GTF2I: variants seen among roughly 807,000 people sequenced by gnomAD.
The protein encoded by GTF2I is general transcription factor II-I.
A neutral mutation model predicts 67.6 loss-of-function variants in GTF2I; 12 were observed. The observed-to-expected ratio is 0.18, with a 90% CI of 0.11 to 0.29. The LOEUF is 0.29. GTF2I is among the 10% of genes least tolerant of loss of function. The probability of loss-of-function intolerance (pLI) is 1.00; values close to 1 mark genes in which losing one functional copy is unlikely to be tolerated. For missense variants in GTF2I, 271 were observed against 580.1 expected (o/e 0.47, Z 5.47); for synonymous variants, 149 against 197.0 (o/e 0.76, Z 2.04).
At chr7:74,662,511 C>T (rs1185534868) in intron 1 of GTF2I, among the ~76,000 whole-genome samples, 11 of 50,218 alleles carry the variant, frequency 2.2e-4, no homozygotes, top group Non-Finnish European at 2.7e-4. Flanking sequence ...CACCTGGACC[C>T]TTTTTTTTTT....
rs587653629 is a variant in GTF2I at position 74,706,376 on chromosome 7, T to C, written c.642-14T>C. 2.5e-6 allele frequency: 4 copies of C among 1,612,824 alleles called. No homozygotes were observed. In the African/African-American group the frequency reaches 4.0e-5, roughly 16 times the overall value. On this transcript the variant is annotated splice_polypyrimidine_tract_variant and intron_variant, in intron 7 of 34. Coordinates refer to ENST00000573035, the MANE Select transcript of GTF2I (RefSeq NM_032999.4). ...CCAGCACGTGGCTTGATCAGGGCTT[T>C]CTTCTCCTTGCAGTTGTGGCCCCAT...
intron 1 of GTF2I, among the ~76,000 whole-genome samples, chr7:74,677,100 A>G (rs1308236282): frequency 6.6e-6 from 1 of 152,022 alleles, no homozygotes; most frequent in East Asian, 1.9e-4. Context: ...AAAAAACCCC[A>G]ACAGTTTCAG....
intron 1 of GTF2I, among the ~76,000 whole-genome samples, chr7:74,688,642 G>A (rs1430771813): frequency 2.0e-5 from 3 of 152,070 alleles, no homozygotes; most frequent in Non-Finnish European, 4.4e-5. Context: ...GTATTATAAA[G>A]AATCTTACAT....
At chr7:74,726,418 G>C (rs1793788467) in intron 12 of GTF2I, 1 of 152,092 alleles carries the variant, frequency 6.6e-6, no homozygotes. Flanking sequence ...ACACACTTCT[G>C]TTTTCCAGAT....
intron 1 of GTF2I, among the ~76,000 whole-genome samples, chr7:74,675,204 C>T (rs1805789733): frequency 6.6e-6 from 1 of 152,148 alleles, no homozygotes; most frequent in African/African-American, 2.4e-5. Context: ...TTCATTCATG[C>T]CCTTGACCTT....
intron 7 of GTF2I, among the ~76,000 whole-genome samples, chr7:74,705,832 G>C (rs1790589742): frequency 6.6e-6 from 1 of 151,900 alleles, no homozygotes; most frequent in South Asian, 2.1e-4. Context: ...CCAAAGTACT[G>C]GGATTACAGG....
chr7:74,699,152 A>G (rs1584182689), intron 4 of GTF2I, 57 bp downstream of exon 4: 1 of 971,070 alleles, frequency 1.0e-6, no homozygotes, highest in Non-Finnish European at 1.4e-6. Flanking sequence ...GAATTTTCTA[A>G]AGGGAAGCTT....
chr7:74,668,349 G>A (rs1269015872), intron 1 of GTF2I, among the ~76,000 whole-genome samples: 15 of 150,804 alleles, frequency 9.9e-5, no homozygotes, highest in African/African-American at 3.7e-4. Context: ...GTGTGTGTGT[G>A]TGTGTGTATG....
At position 74,664,496 on chromosome 7, in the gene GTF2I, C is replaced by T. The variant is rs587748618; in HGVS notation, c.-6+6428C>T. ...TCGCACAGGCTAAAGTGCAATGGCGCGATCTCGGCTCACTGCAACTCTCGC... is the reference window on the plus strand; with the variant it reads ...TCGCACAGGCTAAAGTGCAATGGCGTGATCTCGGCTCACTGCAACTCTCGC... On this transcript the variant is annotated intron_variant, in intron 1 of 34. Coordinates refer to ENST00000573035, the MANE Select transcript of GTF2I (RefSeq NM_032999.4). Among the ~76,000 whole-genome samples the T allele has an allele frequency of 3.3e-5, 5 of 152,038 alleles. No individual in the cohort carries two copies. The South Asian group carries it at 6.2e-4, about 19-fold the overall frequency.
chr7:74,690,865 G>A (rs1395838023), intron 2 of GTF2I, 108 bp from the exon 3 acceptor site: 14 of 1,050,304 alleles, frequency 1.3e-5, no homozygotes, highest in East Asian at 7.6e-5. Flanking sequence ...AAACTATCTT[G>A]AAAGAGAAGT....
chr7:74,723,517 G>A (rs1292028605), intron 12 of GTF2I, among the ~76,000 whole-genome samples: 9 of 140,132 alleles, frequency 6.4e-5, no homozygotes, highest in Non-Finnish European at 1.1e-4. Context: ...CGCAGCCTCC[G>A]CCTCCTGGGT....
chr7:74,687,013 C>T (rs1787798716), intron 1 of GTF2I, among the ~76,000 whole-genome samples: 1 of 151,830 alleles, frequency 6.6e-6, no homozygotes, highest in African/African-American at 2.4e-5. Flanking sequence ...CCTCAGCCTC[C>T]TGAGTGACTG....
chr7:74,697,945 TTTTTG>T (rs1271578536), intron 3 of GTF2I, among the ~76,000 whole-genome samples: 21 of 76,154 alleles, frequency 2.8e-4, no homozygotes, highest in African/African-American at 7.4e-4. Context: ...ATTTTTGTAT[TTTTTG>T]TTTGTTTGTT....
rs587625209 is a variant in GTF2I at position 74,703,154 on chromosome 7, T to C, written c.587-2010T>C. ...AGTCTTGTTTTTTATATAGTCTTGA[T>C]ATAAGTCTCTAATTGATGATTTGTT... On this transcript the variant is annotated intron_variant, in intron 6 of 34. Coordinates refer to ENST00000573035, the MANE Select transcript of GTF2I (RefSeq NM_032999.4). Among the ~76,000 whole-genome samples, 3 of 152,262 alleles carry C rather than the reference T, an allele frequency of 2.0e-5. No homozygotes were observed. In the South Asian group the frequency reaches 6.2e-4, roughly 32 times the overall value.
intron 8 of GTF2I, among the ~76,000 whole-genome samples, chr7:74,710,230 A>T (rs1791357913): frequency 6.6e-6 from 1 of 152,186 alleles, no homozygotes; most frequent in Non-Finnish European, 1.5e-5. Flanking sequence ...AAAGTTGCCC[A>T]AGTCAGAGCT....
At chr7:74,661,424 A>G (rs1184014481) in intron 1 of GTF2I, among the ~76,000 whole-genome samples, 1 of 152,152 alleles carries the variant, frequency 6.6e-6, no homozygotes, top group African/African-American at 2.4e-5. Flanking sequence ...TCACACCTGT[A>G]ATCCCAGCAC....
At chr7:74,693,009 G>A (rs987380222) in intron 3 of GTF2I, among the ~76,000 whole-genome samples, 27 of 151,932 alleles carry the variant, frequency 1.8e-4, no homozygotes, top group Admixed American at 7.9e-4. Flanking sequence ...TTATCTGCCC[G>A]CCTCGGCCTC....
In GTF2I at chr7:74,731,712, T is replaced by G. The variant is rs587765028; in HGVS notation, c.1121-767T>G. Among the ~76,000 whole-genome samples, 845 of 149,694 alleles carry G rather than the reference T, an allele frequency of 5.6e-3. 10 individuals are homozygous for G. Among genetic ancestry groups the G allele is most frequent in the African/African-American group, 0.019 (801 of 41,100 alleles). On this transcript the variant is annotated intron_variant, in intron 14 of 34. Coordinates refer to ENST00000573035, the MANE Select transcript of GTF2I (RefSeq NM_032999.4). ...GGTGCCCGCCACCATGCCCAGCTAA[T>G]TTTTGTATTTTTAGTAGAGACAAGG...
intron 12 of GTF2I, among the ~76,000 whole-genome samples, chr7:74,723,018 G>T (rs1350719557): frequency 6.6e-6 from 1 of 152,000 alleles, no homozygotes; most frequent in African/African-American, 2.4e-5. Flanking sequence ...GTTTAAGATA[G>T]TGCCAGATAC....
Sources: gnomAD v4.1 joint callset for allele counts (sites outside exome capture counted in the v4.1 genomes callset) on GRCh38, gnomAD v4.1.1 for gene constraint, MANE v1.5 for transcripts, NCBI Gene and HGNC (gene_info 2026-07-23, HGNC 2026-07-21) for gene names.